ARHGAP15: variants seen among roughly 807,000 people sequenced by gnomAD.
ARHGAP15 encodes the protein Rho GTPase activating protein 15.
In ARHGAP15, 51 loss-of-function variants were observed where a neutral mutation model predicts 63.7. The ratio of observed to expected loss-of-function variants is 0.80; its 90% confidence interval spans 0.64 to 1.01. The LOEUF is 1.01. ARHGAP15 is among the 50% of genes least tolerant of loss of function. The pLI, the probability that ARHGAP15 is intolerant of heterozygous loss-of-function variation, is 0.00. For missense variants in ARHGAP15, 560 were observed against 564.6 expected (o/e 0.99, Z 0.08); for synonymous variants, 191 against 193.8 (o/e 0.99, Z 0.12).
chr2:143,179,907 A>G (rs1209886614), intron 2 of ARHGAP15, among the ~76,000 whole-genome samples: 1 of 151,854 alleles, frequency 6.6e-6, no homozygotes, highest in Admixed American at 6.6e-5. Context: ...AAAAAAATGC[A>G]TACCTTAATT....
intron 10 of ARHGAP15, among the ~76,000 whole-genome samples, chr2:143,523,983 C>T (rs114300721): frequency 0.019 from 2,837 of 152,144 alleles, 109 homozygotes; most frequent in African/African-American, 0.066. Flanking sequence ...TGCAGAATGC[C>T]TCAGCAGATG....
intron 6 of ARHGAP15, among the ~76,000 whole-genome samples, chr2:143,407,979 C>CTGTG (rs1358322810): frequency 6.0e-4 from 45 of 75,212 alleles, no homozygotes; most frequent in South Asian, 2.8e-3. Context: ...AGTCTGACTT[C>CTGTG]TGTGTGTGTA....
chr2:143,268,704 G>T (rs896669701), intron 6 of ARHGAP15, among the ~76,000 whole-genome samples: 4 of 152,048 alleles, frequency 2.6e-5, no homozygotes, highest in African/African-American at 9.7e-5. Context: ...ATGGTTGTTA[G>T]ATCTATGTAT....
At chr2:143,259,005 G>C (rs891088218) in intron 6 of ARHGAP15, among the ~76,000 whole-genome samples, 1 of 148,644 alleles carries the variant, frequency 6.7e-6, no homozygotes, top group Non-Finnish European at 1.5e-5. Flanking sequence ...AACTTAGAAA[G>C]ACCTTGATTG....
intron 6 of ARHGAP15, among the ~76,000 whole-genome samples, chr2:143,354,029 C>T (rs535363532): frequency 0.3 from 65 of 220 alleles, no homozygotes; most frequent in East Asian, 0.5. Context: ...CTCTCCCTTG[C>T]ATTGGTGGCC....
At chr2:143,739,947 G>A (rs1465951076) in intron 13 of ARHGAP15, among the ~76,000 whole-genome samples, 12 of 152,046 alleles carry the variant, frequency 7.9e-5, no homozygotes, top group Admixed American at 3.9e-4. Flanking sequence ...ACTTCCCACC[G>A]TGTCATTCTG....
intron 13 of ARHGAP15, among the ~76,000 whole-genome samples, chr2:143,762,516 C>T (rs907312332): frequency 1.6e-4 from 24 of 152,290 alleles, no homozygotes; most frequent in Admixed American, 8.5e-4. Context: ...TGCTACAGAG[C>T]TGTGAAGCCA....
chr2:143,336,557 A>G (rs1684782709), intron 6 of ARHGAP15, among the ~76,000 whole-genome samples: 1 of 105,048 alleles, frequency 9.5e-6, no homozygotes. Context: ...TCCTTTGCCC[A>G]TGGATTCTGC....
intron 12 of ARHGAP15, among the ~76,000 whole-genome samples, chr2:143,654,104 A>C (rs1172897359): frequency 6.6e-6 from 1 of 152,156 alleles, no homozygotes; most frequent in East Asian, 1.9e-4. Context: ...GGGAGTAGAA[A>C]TTTTAGAATG....
rs142436195 is a variant in ARHGAP15, at chr2:143,150,189, A to G, written c.-14-5288A>G. Among the ~76,000 whole-genome samples the G allele has an allele frequency of 2.4e-3, 371 of 152,144 alleles. 1 individual carries two copies. Among genetic ancestry groups the G allele is most frequent in the Non-Finnish European group, 3.5e-3 (239 of 67,962 alleles). On this transcript the variant is annotated intron_variant, in intron 1 of 13. Coordinates refer to ENST00000295095, the MANE Select transcript of ARHGAP15 (RefSeq NM_018460.4). The stretch of plus-strand genomic sequence containing the variant: ...TCATAGTGCCTATCCAGTTTTTCCC[A>G]GCTCAAAAATTACTTAATATATTTT...
chr2:143,593,126 C>T (rs770619136), intron 11 of ARHGAP15: 7 of 152,134 alleles, frequency 4.6e-5, no homozygotes, highest in Admixed American at 6.5e-5. Context: ...TAATTTAATC[C>T]AGGTAAAAAT....
intron 8 of ARHGAP15, among the ~76,000 whole-genome samples, chr2:143,468,312 A>G (rs2105178290): frequency 6.6e-6 from 1 of 152,106 alleles, no homozygotes; most frequent in Non-Finnish European, 1.5e-5. Flanking sequence ...AAAGATGAAC[A>G]TGTATAAGTG....
intron 12 of ARHGAP15, among the ~76,000 whole-genome samples, chr2:143,689,194 C>T: frequency 6.6e-6 from 1 of 152,070 alleles, no homozygotes. Context: ...TCTGGAGTAA[C>T]AATTTGAACT....
At chr2:143,369,192 A>ATG (rs1343329268) in intron 6 of ARHGAP15, among the ~76,000 whole-genome samples, 1 of 152,160 alleles carries the variant, frequency 6.6e-6, no homozygotes, top group Non-Finnish European at 1.5e-5. Flanking sequence ...TCTTATAACT[A>ATG]TGTTCATAGT....
chr2:143,609,975 G>A (rs1218825094), intron 11 of ARHGAP15, among the ~76,000 whole-genome samples: 1 of 152,176 alleles, frequency 6.6e-6, no homozygotes, highest in African/African-American at 2.4e-5. Flanking sequence ...CTTTAAAGAA[G>A]TGGTGGGATT....
At chr2:143,379,971 G>GT (rs1177366103) in intron 6 of ARHGAP15, among the ~76,000 whole-genome samples, 2 of 151,872 alleles carry the variant, frequency 1.3e-5, no homozygotes, top group African/African-American at 4.8e-5. Flanking sequence ...ACCCATTTTT[G>GT]TATGTATCTA....
At chr2:143,613,614 T>C (rs1013171053) in intron 11 of ARHGAP15, among the ~76,000 whole-genome samples, 3 of 152,232 alleles carry the variant, frequency 2.0e-5, no homozygotes, top group African/African-American at 7.2e-5. Context: ...ATATTTTGAC[T>C]TCCCTGAACC....
chr2:143,377,996 A>T (rs1686891378), intron 6 of ARHGAP15, among the ~76,000 whole-genome samples: 1 of 152,096 alleles, frequency 6.6e-6, no homozygotes, highest in Admixed American at 6.6e-5. Context: ...ATGTCATAAC[A>T]CTTAATGAGT....
At chr2:143,348,852 A>G (rs1685424509) in intron 6 of ARHGAP15, among the ~76,000 whole-genome samples, 1 of 152,170 alleles carries the variant, frequency 6.6e-6, no homozygotes, top group African/African-American at 2.4e-5. Context: ...TCCTTTTTAT[A>G]TGGAGATTTA....
Sources: allele counts gnomAD v4.1 joint callset (sites outside exome capture counted in the v4.1 genomes callset), GRCh38; gene constraint gnomAD v4.1.1; transcripts MANE v1.5; gene names NCBI Gene and HGNC (gene_info 2026-07-23, HGNC 2026-07-21).